The following PCDHA6 variants were observed in gnomAD, a reference collection of about 807,000 sequenced individuals.
PCDHA6 encodes protocadherin alpha 6, also known as protocadherin alpha-6.
PCDHA6 carries 55 observed loss-of-function variants against 60.3 expected under a neutral mutation model. The observed-to-expected ratio is 0.91, with a 90% CI of 0.73 to 1.14. PCDHA6 has a LOEUF of 1.14. PCDHA6 is among the 50% of genes most tolerant of loss of function. The pLI, the probability that PCDHA6 is intolerant of heterozygous loss-of-function variation, is 0.00. For missense variants in PCDHA6, 1,327 were observed against 1,256.5 expected (o/e 1.06, Z -0.85); for synonymous variants, 652 against 557.9 (o/e 1.17, Z -2.38).
chr5:140,939,812 A>T (rs1277082652), intron 1 of PCDHA6, among the ~76,000 whole-genome samples: 4 of 152,196 alleles, frequency 2.6e-5, no homozygotes, highest in Non-Finnish European at 2.9e-5. Flanking sequence ...ATGTTCAAGA[A>T]AAAGCAGTAT....
chr5:140,834,477 C>T lies in PCDHA6; in HGVS notation c.2394+3992C>T, dbSNP rs1554134251. Reference sequence around the variant, plus strand: ...TTGGGAGGCAGGGAGAGGCCAGCTCCACTACTCGGTCCCCGAGGAGGCTAA... The same window carrying T: ...TTGGGAGGCAGGGAGAGGCCAGCTCTACTACTCGGTCCCCGAGGAGGCTAA... On this transcript the variant is annotated intron_variant, in intron 1 of 3. Coordinates refer to ENST00000529310, the MANE Select transcript of PCDHA6 (RefSeq NM_018909.4). 3.7e-6 allele frequency: 6 copies of T among 1,614,174 alleles called. No individual in the cohort carries two copies. Among genetic ancestry groups the T allele is most frequent in the South Asian group, 2.2e-5 (2 of 91,082 alleles).
chr5:140,857,873 G>C, intron 1 of PCDHA6: 1 of 1,597,876 alleles, frequency 6.3e-7, no homozygotes, highest in Non-Finnish European at 8.6e-7. Flanking sequence ...GCTGTCGTAT[G>C]AATTGCAGTC....
rs1554213778 is a variant in PCDHA6, at chr5:140,941,190, T to TC, written c.2395-37759_2395-37758insC. ...CCATCTTGAACATCCTGCTTCTTTT[T>TC]TTTTCTTTCTTCCTTTCTTTCTTCC... On this transcript the variant is annotated intron_variant, in intron 1 of 3. Coordinates refer to ENST00000529310, the MANE Select transcript of PCDHA6 (RefSeq NM_018909.4). Among the ~76,000 whole-genome samples, 446 of 129,506 alleles carry TC rather than the reference T, an allele frequency of 3.4e-3. 3 individuals are homozygous for TC. Among genetic ancestry groups the TC allele is most frequent in the South Asian group, 0.026 (101 of 3,954 alleles). The allele number at this position is 129,506 out of a possible 152,430, so 85.0% of individuals were successfully genotyped here.
chr5:140,884,534 C>T (rs781847666), intron 1 of PCDHA6: 3 of 1,614,180 alleles, frequency 1.9e-6, no homozygotes, highest in Admixed American at 3.3e-5. Context: ...GCAGAGGCGG[C>T]CGAGGGTGTG....
chr5:140,933,359 C>G (rs2089088301), intron 1 of PCDHA6, among the ~76,000 whole-genome samples: 1 of 151,832 alleles, frequency 6.6e-6, no homozygotes, highest in Non-Finnish European at 1.5e-5. Context: ...TATTTCTAAC[C>G]CATCCCAAAT....
intron 1 of PCDHA6, chr5:140,969,549 C>A: frequency 1.6e-6 from 2 of 1,238,176 alleles, no homozygotes; most frequent in South Asian, 3.3e-5. Context: ...AGGCATGAAG[C>A]CTTGTCCATA....
chr5:140,906,999 G>C (rs187849442), intron 1 of PCDHA6, among the ~76,000 whole-genome samples: 1 of 152,088 alleles, frequency 6.6e-6, no homozygotes, highest in Non-Finnish European at 1.5e-5. Flanking sequence ...TCCTCCCTCT[G>C]GAACTAAGAC....
In PCDHA6 at chr5:140,869,025, C is replaced by A. The variant is rs1424812323; in HGVS notation, c.2394+38540C>A. 7 of 1,525,592 alleles carry A rather than the reference C, an allele frequency of 4.6e-6. No homozygotes were observed. In the East Asian group the frequency reaches 1.4e-4, roughly 30 times the overall value. The allele number at this position is 1,525,592 out of a possible 1,614,324, so 94.5% of individuals were successfully genotyped here. ...CCTTTGAAACTTCTTAAGAATTCAA[C>A]GAGATTTTTAACCTGAAACTGAAGA... On this transcript the variant is annotated intron_variant, in intron 1 of 3. Transcript: ENST00000529310.
chr5:140,863,307 C>T (rs782595794), intron 1 of PCDHA6: 9 of 1,462,494 alleles, frequency 6.2e-6, no homozygotes, highest in Non-Finnish European at 6.5e-6. Context: ...TCGCCATCTG[C>T]GTGGTGTCCA....
At chr5:140,857,655 C>T (rs782490979) in intron 1 of PCDHA6, 1 of 1,596,728 alleles carries the variant, frequency 6.3e-7, no homozygotes, top group Non-Finnish European at 8.6e-7. Context: ...CAGGTGAGCG[C>T]GCGCGATGGG....
intron 1 of PCDHA6, chr5:140,966,609 G>A: frequency 1.4e-6 from 1 of 702,876 alleles, no homozygotes; most frequent in Non-Finnish European, 2.1e-6. Flanking sequence ...CCTTGGGAGG[G>A]CCTACGGAGG....
intron 1 of PCDHA6, among the ~76,000 whole-genome samples, chr5:140,974,318 A>G (rs2096622244): frequency 6.6e-6 from 1 of 152,206 alleles, no homozygotes; most frequent in Admixed American, 6.5e-5. Context: ...GTGAGAGAGT[A>G]GCTGCTGTGC....
At chr5:140,832,639 G>T (rs1038103707) in intron 1 of PCDHA6, among the ~76,000 whole-genome samples, 1 of 152,018 alleles carries the variant, frequency 6.6e-6, no homozygotes, top group African/African-American at 2.4e-5. Flanking sequence ...TTCCTAGGAG[G>T]GTCTTTAAGA....
At position 140,881,347 on chromosome 5, in the gene PCDHA6, C is replaced by A; in HGVS notation, c.2394+50862C>A. 3 of 985,212 alleles carry A rather than the reference C, an allele frequency of 3.0e-6. No homozygotes were observed. In the African/African-American group the frequency reaches 5.2e-5, roughly 17 times the overall value. 61.0% of individuals were successfully genotyped at this position (985,212 alleles called of 1,614,324 possible). ...TTAACCAGGACGCCGATTCGGGCTA[C>A]AATGCGTGGCTTTCGTATGAATTGC... On this transcript the variant is annotated intron_variant, in intron 1 of 3. Transcript: ENST00000529310.
At chr5:140,884,456 G>T in intron 1 of PCDHA6, 2 of 1,613,768 alleles carry the variant, frequency 1.2e-6, no homozygotes, top group Non-Finnish European at 1.7e-6. Context: ...GCCCACCGAG[G>T]GCGCGTGCGC....
Position 141,009,628 on chromosome 5 carries a change from A to G in PCDHA6, c.2544A>G (p.Glu848=), listed in dbSNP as rs1441195912. The G allele has an allele frequency of 1.2e-6, 2 of 1,613,000 alleles. No individual in the cohort carries two copies. The highest frequency in any genetic ancestry group is 2.2e-5 in the East Asian group (1 of 44,852). Residue 848 remains glutamate, a splice_region_variant and synonymous_variant, in exon 4 of 4, where the codon GAA becomes GAG. Coordinates refer to ENST00000529310, the MANE Select transcript of PCDHA6 (RefSeq NM_018909.4). ...GATTTGTAATGTTTTGTCTTTCAGA[A>G]CCAGAGGCAGGAGAAGTGTCCCCTC... is the stretch of plus-strand genomic sequence containing the variant. ...QWPTVSSATP[E]PEAGEVSPPV...
Position 140,842,918 on chromosome 5 carries a change from T to C in PCDHA6, c.2394+12433T>C. On this transcript the variant is annotated intron_variant, in intron 1 of 3. Coordinates refer to ENST00000529310, the MANE Select transcript of PCDHA6 (RefSeq NM_018909.4). Reference sequence around the variant, plus strand: ...CCACGAGGAGCTAGAGCTGCTGCAGTTCCAGGTGAGCGCGCGCGACGCGGG... The same window carrying C: ...CCACGAGGAGCTAGAGCTGCTGCAGCTCCAGGTGAGCGCGCGCGACGCGGG... The C allele has an allele frequency of 3.8e-6, 6 of 1,594,574 alleles. 1 individual carries two copies. The highest frequency in any genetic ancestry group is 5.1e-6 in the Non-Finnish European group (6 of 1,165,450).
At chr5:140,837,594 T>C (rs910412595) in intron 1 of PCDHA6, among the ~76,000 whole-genome samples, 2 of 151,720 alleles carry the variant, frequency 1.3e-5, no homozygotes, top group Admixed American at 6.6e-5. Flanking sequence ...AAATCGCCAA[T>C]ATATATATTT....
intron 1 of PCDHA6, chr5:140,929,361 C>T (rs115903226): frequency 3.5e-5 from 53 of 1,519,472 alleles, no homozygotes; most frequent in Middle Eastern, 1.8e-4. Context: ...TCCTTTGGCC[C>T]GGAGATGGCT....
Sources: allele counts gnomAD v4.1 joint callset (sites outside exome capture counted in the v4.1 genomes callset), GRCh38; gene constraint gnomAD v4.1.1; transcripts MANE v1.5; gene names NCBI Gene and HGNC (gene_info 2026-07-23, HGNC 2026-07-21).